WT1: variants seen among roughly 807,000 people sequenced by gnomAD.
The protein encoded by WT1 is WT1 transcription factor.
Under a neutral mutation model 60.8 loss-of-function variants are expected in WT1, and 8 were observed. That is an observed-to-expected ratio of 0.13 (90% CI 0.08 to 0.24). The LOEUF is 0.24. Ranked by LOEUF, WT1 falls within the 10% of genes least tolerant of loss-of-function variation. The pLI, the probability that WT1 is intolerant of heterozygous loss-of-function variation, is 1.00. For missense variants in WT1, 568 were observed against 711.8 expected, an observed-to-expected ratio of 0.80 and a Z score of 2.30; for synonymous variants, 312 against 297.1, an observed-to-expected ratio of 1.05 and a Z score of -0.52.
intron 9 of WT1, 105 bp downstream of exon 9, chr11:32,391,867 C>A: frequency 2.5e-6 from 3 of 1,196,444 alleles, no homozygotes; most frequent in South Asian, 1.2e-5. Flanking sequence ...GAGTCTAAAC[C>A]TTAGAACTTT....
At chr11:32,432,289 A>G (rs981373795) in intron 1 of WT1, among the ~76,000 whole-genome samples, 4 of 152,008 alleles carry the variant, frequency 2.6e-5, no homozygotes, top group Admixed American at 1.3e-4. Context: ...TCTGATGGCC[A>G]TTTCCACATT....
chr11:32,433,707 C>T (rs1314482482), intron 1 of WT1, among the ~76,000 whole-genome samples: 2 of 152,268 alleles, frequency 1.3e-5, no homozygotes, highest in Non-Finnish European at 2.9e-5. Context: ...AGGTTCGGGT[C>T]CGCGCCGCCC....
chr11:32,424,864 A>G (rs1852974048), intron 3 of WT1, among the ~76,000 whole-genome samples: 1 of 152,166 alleles, frequency 6.6e-6, no homozygotes, highest in Non-Finnish European at 1.5e-5. Flanking sequence ...CTTTAGACTG[A>G]CAAGGGAAAG....
intron 5 of WT1, among the ~76,000 whole-genome samples, chr11:32,404,507 C>T (rs943388039): frequency 2.1e-4 from 32 of 151,840 alleles, no homozygotes; most frequent in Non-Finnish European, 3.5e-4. Flanking sequence ...GGTAAAGTCA[C>T]GGGAGAGGAG....
chr11:32,432,034 G>A (rs1699688548), intron 1 of WT1, among the ~76,000 whole-genome samples: 1 of 152,222 alleles, frequency 6.6e-6, no homozygotes, highest in Non-Finnish European at 1.5e-5. Flanking sequence ...CGAGGCCATT[G>A]TCTTAATTAA....
chr11:32,408,097 C>T (rs1852373442), intron 5 of WT1, among the ~76,000 whole-genome samples: 1 of 151,452 alleles, frequency 6.6e-6, no homozygotes, highest in African/African-American at 2.4e-5. Context: ...GTGGCATTTG[C>T]CTGTAATCCC....
At chr11:32,411,839 G>T (rs1187462731) in intron 5 of WT1, among the ~76,000 whole-genome samples, 1 of 152,072 alleles carries the variant, frequency 6.6e-6, no homozygotes, top group Non-Finnish European at 1.5e-5. Context: ...TGGTTGGCAG[G>T]GTTAACAGAC....
At chr11:32,427,560 G>A (rs12795633) in intron 3 of WT1, among the ~76,000 whole-genome samples, 1 of 152,224 alleles carries the variant, frequency 6.6e-6, no homozygotes, top group Non-Finnish European at 1.5e-5. Context: ...CCGAAGGTAC[G>A]CGCCTTCGAG....
chr11:32,392,499 T>C (rs1388834580), intron 8 of WT1, among the ~76,000 whole-genome samples, 167 bp downstream of exon 8: 1 of 152,198 alleles, frequency 6.6e-6, no homozygotes, highest in East Asian at 1.9e-4. Flanking sequence ...TCTTTCTTTT[T>C]CTTTATTTAA....
At position 32,428,594 on chromosome 11, in the gene WT1, C is replaced by G. The variant is rs760001898; in HGVS notation, c.687G>C (p.Gly229=). 118 of 1,613,758 alleles carry G rather than the reference C, an allele frequency of 7.3e-5. No homozygotes were observed. The highest frequency in any genetic ancestry group is 8.7e-5 in the Non-Finnish European group (103 of 1,180,040). ...AGGGCGTGTGACCGTAGCTGGGCGTCCCGTCGAAGGTGACCGTGCTGTAAC... is the reference window on the plus strand; with the variant it reads ...AGGGCGTGTGACCGTAGCTGGGCGTGCCGTCGAAGGTGACCGTGCTGTAAC... Residue 229 remains glycine, a synonymous_variant, in exon 2 of 10, where the codon GGG becomes GGC. Coordinates refer to ENST00000452863, the MANE Select transcript of WT1 (RefSeq NM_024426.6).
intron 1 of WT1, among the ~76,000 whole-genome samples, chr11:32,430,296 T>G (rs1853236305): frequency 6.6e-6 from 1 of 152,102 alleles, no homozygotes; most frequent in Non-Finnish European, 1.5e-5. Context: ...TTTTGAAACC[T>G]GAGGCCTGGC....
chr11:32,401,689 G>A (rs1452812161), intron 5 of WT1, among the ~76,000 whole-genome samples: 1 of 152,014 alleles, frequency 6.6e-6, no homozygotes, highest in East Asian at 1.9e-4. Context: ...ACAGGCGCAC[G>A]TCACCATACC....
chr11:32,410,994 TAGG>T (rs1852480319), intron 5 of WT1, among the ~76,000 whole-genome samples: 1 of 151,756 alleles, frequency 6.6e-6, no homozygotes, highest in African/African-American at 2.4e-5. Flanking sequence ...AGATCAGGGA[TAGG>T]AGAAGTCCAA....
chr11:32,416,153 T>C (rs3858444), intron 5 of WT1, among the ~76,000 whole-genome samples: 126,404 of 152,204 alleles, frequency 0.83, 53,336 homozygotes, highest in East Asian at 1. Flanking sequence ...GACTGAAAGC[T>C]TTGACTGATC....
intron 6 of WT1, 139 bp downstream of exon 6, chr11:32,399,809 G>T: frequency 1.1e-6 from 1 of 909,290 alleles, no homozygotes; most frequent in Non-Finnish European, 1.7e-6. Flanking sequence ...GGACGAGCAG[G>T]TGTCCCTGAT....
chr11:32,411,653 C>T lies in WT1; in HGVS notation c.1016+4837G>A, dbSNP rs5030232. Among the ~76,000 whole-genome samples the T allele has an allele frequency of 3.4e-3, 511 of 152,218 alleles. 2 individuals carry two copies. The highest frequency in any genetic ancestry group is 0.012 in the African/African-American group (489 of 41,540). ...AAAAATTCAATACATTCATCAAATG[C>T]ATGTCCAAAAATAAAAGGATAGAAA... is the stretch of plus-strand genomic sequence containing the variant. On this transcript the variant is annotated intron_variant, in intron 5 of 9. Transcript: ENST00000452863.
At chr11:32,417,535 A>G in intron 4 of WT1, 42 bp downstream of exon 4, 2 of 1,549,154 alleles carry the variant, frequency 1.3e-6, no homozygotes, top group Non-Finnish European at 1.8e-6. Flanking sequence ...TCAAACAGGT[A>G]TAAGTTACTG....
At chr11:32,417,221 C>T (rs1009963502) in intron 4 of WT1, among the ~76,000 whole-genome samples, 4 of 151,990 alleles carry the variant, frequency 2.6e-5, no homozygotes, top group Admixed American at 2.6e-4. Flanking sequence ...CTTTGCACAC[C>T]CAAAGCACTT....
At chr11:32,432,432 G>C (rs1282580931) in intron 1 of WT1, among the ~76,000 whole-genome samples, 1 of 152,226 alleles carries the variant, frequency 6.6e-6, no homozygotes, top group Non-Finnish European at 1.5e-5. Context: ...GCCCACTCCA[G>C]GATAGCAGCC....
Sources: gnomAD v4.1 joint callset for allele counts (sites outside exome capture counted in the v4.1 genomes callset) on GRCh38, gnomAD v4.1.1 for gene constraint, MANE v1.5 for transcripts, NCBI Gene and HGNC (gene_info 2026-07-23, HGNC 2026-07-21) for gene names.